SETD5: variants seen among roughly 807,000 people sequenced by gnomAD.
SETD5 encodes the protein histone-lysine N-methyltransferase SETD5.
Under a neutral mutation model 153.3 loss-of-function variants are expected in SETD5, and 44 were observed. That is an observed-to-expected ratio of 0.29 (90% CI 0.23 to 0.37). The LOEUF (loss-of-function observed/expected upper bound fraction) is 0.37, where lower values mean the gene tolerates loss of function less well. Among genes scored for constraint, SETD5 ranks in the 10% least tolerant of loss-of-function variants. The pLI is 1.00. For missense variants in SETD5, 1,544 were observed against 1,768.0 expected (o/e 0.87, Z 2.27); for synonymous variants, 716 against 645.2 (o/e 1.11, Z -1.66).
Position 9,433,908 on chromosome 3 carries a change from T to C in SETD5, c.135T>C (p.Tyr45=). 6.2e-7 allele frequency: 1 copy of C among 1,613,956 alleles called. No individual in the cohort carries two copies. Among genetic ancestry groups the C allele is most frequent in the Non-Finnish European group, 8.5e-7 (1 of 1,179,856 alleles). ...AGAGCGTGTATTCCACTCATAATTATGGGACCACTCAGAGGCATGGGTGTC... is the reference window on the plus strand; with the variant it reads ...AGAGCGTGTATTCCACTCATAATTACGGGACCACTCAGAGGCATGGGTGTC... ...NEKSVYSTHN[Y]GTTQRHGCRG... The change falls in exon 4 of 23, where the codon TAT becomes TAC. Residue 45 remains tyrosine (Y), a synonymous_variant. Transcript: ENST00000402198.
rs1553601521 is a variant in SETD5 at position 9,397,684 on chromosome 3, C to CGCCGCCGCT, written c.-468_-467insCGCCGCTGC. Reference sequence around the variant, plus strand: ...CCGCCGCCGCCGCCGCCGCCGCCGCCGCTGCCGGGGGAGGGGCGGCCGCCG... The same window carrying CGCCGCCGCT: ...CCGCCGCCGCCGCCGCCGCCGCCGCCGCCGCCGCTGCTGCCGGGGGAGGGGCGGCCGCCG... On this transcript the variant is annotated 5_prime_UTR_variant, in exon 1 of 23. Transcript: ENST00000402198. The CGCCGCCGCT allele has an allele frequency of 1.2e-5, 2 of 170,378 alleles. No individual in the cohort carries two copies. Among genetic ancestry groups the CGCCGCCGCT allele is most frequent in the African/African-American group, 5.0e-5 (2 of 40,084 alleles). 10.6% of individuals were successfully genotyped at this position (170,378 alleles called of 1,614,324 possible). A position where few individuals can be genotyped will look rare whatever the true frequency, so the allele number is the denominator to read the frequency against.
At chr3:9,429,124 G>A in intron 3 of SETD5, 115 bp downstream of exon 3, 2 of 627,168 alleles carry the variant, frequency 3.2e-6, no homozygotes, top group South Asian at 2.5e-5. Flanking sequence ...CTATTCCACT[G>A]TAATTAACAT....
At chr3:9,405,309 T>C (rs2035479275) in intron 1 of SETD5, among the ~76,000 whole-genome samples, 1 of 152,222 alleles carries the variant, frequency 6.6e-6, no homozygotes, top group Admixed American at 6.5e-5. Flanking sequence ...GCAATTTGTT[T>C]TGGAAAATAC....
chr3:9,459,679 A>G (rs976822199), intron 17 of SETD5, among the ~76,000 whole-genome samples: 24 of 149,238 alleles, frequency 1.6e-4, no homozygotes, highest in Non-Finnish European at 3.3e-4. Flanking sequence ...GCTACTCGCC[A>G]CTGCACTCCA....
At chr3:9,432,213 C>A (rs1466195814) in intron 3 of SETD5, 2 of 833,596 alleles carry the variant, frequency 2.4e-6, no homozygotes, top group East Asian at 1.2e-4. Flanking sequence ...TAATAAAATG[C>A]ATGCACCTCA....
In SETD5 at chr3:9,421,446, T is replaced by C. The variant is rs77047369; in HGVS notation, c.-176-3021T>C. Among the ~76,000 whole-genome samples the C allele has an allele frequency of 2.6e-3, 398 of 151,956 alleles. 3 individuals carry two copies. Among genetic ancestry groups the C allele is most frequent in the African/African-American group, 9.0e-3 (374 of 41,436 alleles). ...AGCCACCGCACCTGGCCTCTAAGAG[T>C]GCTTTTTCCTAGCATACTTTTCTTC... is the stretch of plus-strand genomic sequence containing the variant. On this transcript the variant is annotated intron_variant, in intron 1 of 22. Transcript: ENST00000402198.
intron 16 of SETD5, among the ~76,000 whole-genome samples, chr3:9,453,336 T>G (rs568761459): frequency 6.6e-6 from 1 of 152,308 alleles, no homozygotes; most frequent in East Asian, 1.9e-4. Flanking sequence ...CAGACAACTT[T>G]TAAGAGATCT....
At chr3:9,431,871 G>A (rs1483503062) in intron 3 of SETD5, 2 of 228,856 alleles carry the variant, frequency 8.7e-6, no homozygotes, top group Non-Finnish European at 1.4e-5. Flanking sequence ...CAGCTATCAT[G>A]TTTCACTCCA....
At chr3:9,408,821 T>C (rs1420799085) in intron 1 of SETD5, among the ~76,000 whole-genome samples, 2 of 152,186 alleles carry the variant, frequency 1.3e-5, no homozygotes, top group African/African-American at 2.4e-5. Flanking sequence ...GTGAATTATG[T>C]CAAGATTTAC....
intron 1 of SETD5, chr3:9,398,375 C>T (rs1054505209): frequency 1.3e-5 from 2 of 152,392 alleles, no homozygotes; most frequent in South Asian, 2.1e-4. Context: ...CCCCGATCCC[C>T]CACTCCCTAC....
intron 2 of SETD5, among the ~76,000 whole-genome samples, chr3:9,425,582 T>C: frequency 6.6e-6 from 1 of 151,116 alleles, no homozygotes; most frequent in East Asian, 1.9e-4. Context: ...GTACTTTTTT[T>C]TTTTTTTTTT....
At position 9,475,979 on chromosome 3, in the gene SETD5, C is replaced by G. The variant is rs1196621363; in HGVS notation, c.4217C>G (p.Ser1406Cys). ...QSAVYQASRV[S>C]AVSNSQHYPH... ...GCTGTCTACCAGGCCTCCAGGGTAT[C>G]TGCGGTTTCCAATTCACAGCACTAC... Residue 1406 changes from serine (S) to cysteine (C), a missense_variant, in exon 23 of 23, where the codon TCT becomes TGT. Transcript: ENST00000402198. The G allele has an allele frequency of 6.2e-7, 1 of 1,614,016 alleles. No homozygotes were observed. The highest frequency in any genetic ancestry group is 1.1e-5 in the South Asian group (1 of 91,078).
intron 17 of SETD5, among the ~76,000 whole-genome samples, chr3:9,463,475 G>A (rs979284463): frequency 1.3e-5 from 2 of 152,332 alleles, no homozygotes; most frequent in South Asian, 2.1e-4. Context: ...TGAGAATCAA[G>A]TGAGAAAGGT....
intron 3 of SETD5, chr3:9,430,545 T>G (rs1214039725): frequency 4.6e-6 from 1 of 217,418 alleles, no homozygotes. Flanking sequence ...CTTAAAACTC[T>G]CCCTGCATTA....
intron 2 of SETD5, chr3:9,426,241 TTTTTTTTTTTTG>T (rs2039218532): frequency 9.9e-6 from 1 of 100,594 alleles, no homozygotes; most frequent in African/African-American, 4.2e-5. Flanking sequence ...TTTTTTTTTT[TTTTTTTTTTTTG>T]GCAACAGGGA....
chr3:9,413,649 G>GGGGGTGTGT (rs200761097), intron 1 of SETD5, among the ~76,000 whole-genome samples: 10 of 140,364 alleles, frequency 7.1e-5, no homozygotes, highest in Non-Finnish European at 1.4e-4. Flanking sequence ...GGGGAGGCGG[G>GGGGGTGTGT]GTGTGTGTGT....
intron 1 of SETD5, among the ~76,000 whole-genome samples, chr3:9,423,638 G>A (rs904165577): frequency 2.6e-5 from 4 of 151,290 alleles, no homozygotes; most frequent in Admixed American, 2.0e-4. Context: ...ATTTTAAATC[G>A]TTTCTAAAAA....
intron 18 of SETD5, among the ~76,000 whole-genome samples, chr3:9,466,287 CAAAAAAAAAAAA>C (rs146498301): frequency 4.7e-5 from 3 of 63,262 alleles, no homozygotes; most frequent in Non-Finnish European, 6.8e-5. Context: ...GACTCCGTCT[CAAAAAAAAAAAA>C]AAAAAAAAAA....
At chr3:9,461,803 T>C (rs145624448) in intron 17 of SETD5, among the ~76,000 whole-genome samples, 85 of 152,336 alleles carry the variant, frequency 5.6e-4, no homozygotes, top group African/African-American at 1.9e-3. Context: ...TTGATAGTTA[T>C]AGTGTTGGAC....
Sources: gnomAD v4.1 joint callset for allele counts (sites outside exome capture counted in the v4.1 genomes callset) on GRCh38, gnomAD v4.1.1 for gene constraint, MANE v1.5 for transcripts, NCBI Gene and HGNC (gene_info 2026-07-23, HGNC 2026-07-21) for gene names.